The following BOD1L1 variants were observed in gnomAD, a reference collection of about 807,000 sequenced individuals.
BOD1L1 encodes biorientation of chromosomes in cell division protein 1-like 1.
BOD1L1 carries 86 observed loss-of-function variants against 240.7 expected under a neutral mutation model. That is an observed-to-expected ratio of 0.36 (90% CI 0.30 to 0.43). The LOEUF (loss-of-function observed/expected upper bound fraction) is 0.43. BOD1L1 is among the 20% of genes least tolerant of loss of function. The pLI is 1.00. For missense variants in BOD1L1, 3,554 were observed against 3,643.5 expected, an observed-to-expected ratio of 0.98 and a Z score of 0.63; for synonymous variants, 1,268 against 1,272.3, an observed-to-expected ratio of 1.00 and a Z score of 0.07.
Position 13,617,983 on chromosome 4 carries a change from C to T in BOD1L1, c.368+1960G>A, listed in dbSNP as rs145821507. Among the ~76,000 whole-genome samples, 360 of 152,296 alleles carry T rather than the reference C, an allele frequency of 2.4e-3. 2 individuals are homozygous for T. The highest frequency in any genetic ancestry group is 8.4e-3 in the African/African-American group (350 of 41,572). On this transcript the variant is annotated intron_variant, in intron 2 of 25. Transcript: ENST00000040738. ...CAAAATGTCTCCAGAAAAAGAGATT[C>T]CTCATTACTCATAGGCAAATTGCTC... is the stretch of plus-strand genomic sequence containing the variant.
In BOD1L1 at chr4:13,600,110, A is replaced by T. The variant is rs766066972; in HGVS notation, c.6790T>A (p.Cys2264Ser). ...GIISTSSVED[C>S]EGPVSSAVPQ... The stretch of plus-strand genomic sequence containing the variant: ...ACAGCACTGGACACTGGGCCCTCAC[A>T]GTCTTCCACCGAGCTCGTAGAGATG... The change falls in exon 10 of 26, where the codon TGT (cysteine) becomes AGT (serine). Residue 2264 changes from cysteine (C) to serine (S), a missense_variant. By Grantham distance (112) the Cys-to-Ser change is moderately radical. This residue lies in a region of BOD1L1 where 3,393 missense variants were observed against 3,427.1 expected (regional missense o/e 0.99). Transcript: ENST00000040738. 5 of 1,613,704 alleles carry T rather than the reference A, an allele frequency of 3.1e-6. No individual in the cohort carries two copies. The highest frequency in any genetic ancestry group is 4.2e-6 in the Non-Finnish European group (5 of 1,179,858).
intron 1 of BOD1L1, among the ~76,000 whole-genome samples, chr4:13,626,910 G>C (rs1717436994): frequency 6.6e-6 from 1 of 152,174 alleles, no homozygotes; most frequent in Non-Finnish European, 1.5e-5. Context: ...GTCCAGCAAA[G>C]CATATTACAC....
intron 25 of BOD1L1, among the ~76,000 whole-genome samples, chr4:13,575,895 CTTTTTTTTTTT>C (rs35101769): frequency 3.4e-5 from 4 of 119,256 alleles, no homozygotes; most frequent in African/African-American, 1.3e-4. Context: ...TTGCCAAACC[CTTTTTTTTTTT>C]TTTTTTTTTT....
Position 13,576,875 on chromosome 4 carries a change from C to T in BOD1L1, c.9001G>A (p.Ala3001Thr), listed in dbSNP as rs764281532. 1 of 1,614,030 alleles carries T rather than the reference C, an allele frequency of 6.2e-7. No homozygotes were observed. The highest frequency in any genetic ancestry group is 1.1e-5 in the South Asian group (1 of 91,088). Residue 3001 changes from alanine (A) to threonine (T), a missense_variant, in exon 25 of 26, where the codon GCC becomes ACC. Ala to Thr is a moderately conservative substitution (Grantham distance 58, BLOSUM62 0). This residue lies in a region of BOD1L1 where 3,393 missense variants were observed against 3,427.1 expected (regional missense o/e 0.99). Coordinates refer to ENST00000040738, the MANE Select transcript of BOD1L1 (RefSeq NM_148894.3). ...GATCTGGTGGTGGATCTTGTGGTGGCTCCTGAAGGCTCGTCCTCTTCCTCT... is the reference window on the plus strand; with the variant it reads ...GATCTGGTGGTGGATCTTGTGGTGGTTCCTGAAGGCTCGTCCTCTTCCTCT... ...EEEEEDEPSG[A>T]TTRSTTRSEA...
In BOD1L1 at chr4:13,604,733, A is replaced by C; in HGVS notation, c.2167T>G (p.Ser723Ala). 2 of 1,610,954 alleles carry C rather than the reference A, an allele frequency of 1.2e-6. No individual in the cohort carries two copies. Among genetic ancestry groups the C allele is most frequent in the Middle Eastern group, 1.7e-4 (1 of 6,042 alleles). ...LKSLLKKEVK[S>A]SKEKPEREKT... ...TCTCTTTCAGGCTTCTCCTTGGAGG[A>C]TTTCACCTCTTTCTTAAGTAGGCTT... Residue 723 changes from serine to alanine, a missense_variant, in exon 10 of 26, where the codon TCC (serine) becomes GCC (alanine). Ser to Ala is a moderately conservative substitution (Grantham distance 99). Coordinates refer to ENST00000040738, the MANE Select transcript of BOD1L1 (RefSeq NM_148894.3).
Position 13,576,817 on chromosome 4 carries a change from G to C in BOD1L1, c.9038+21C>G, listed in dbSNP as rs374532069. The C allele has an allele frequency of 1.9e-6, 3 of 1,600,432 alleles. No homozygotes were observed. In the African/African-American group the frequency reaches 4.1e-5, roughly 22 times the overall value. ...GAGAAGCTGGTGAAGGTCTCTGGCAGCTCTGTGCTGCCCCCATTACCTCTG... is the reference window on the plus strand; with the variant it reads ...GAGAAGCTGGTGAAGGTCTCTGGCACCTCTGTGCTGCCCCCATTACCTCTG... On this transcript the variant is annotated intron_variant, in intron 25 of 25. Coordinates refer to ENST00000040738, the MANE Select transcript of BOD1L1 (RefSeq NM_148894.3).
rs757583831 is a variant in BOD1L1 at position 13,600,392 on chromosome 4, G to A, written c.6508C>T (p.Pro2170Ser). 7 of 1,613,792 alleles carry A rather than the reference G, an allele frequency of 4.3e-6. No individual in the cohort carries two copies. The Admixed American group carries it at 1.2e-4, about 27-fold the overall frequency. The change falls in exon 10 of 26, where the codon CCG (proline) becomes TCG (serine). Residue 2170 changes from proline to serine, a missense_variant. Transcript: ENST00000040738. ...CTTTCTTCCACTGCTGCAGCAACCG[G>A]CTGAAGACTTTCAGCACACTTGATG... ...TTIKCAESLQ[P>S]VAAAVEERAT... is the part of the protein sequence containing the mutation.
At chr4:13,591,891 C>T in intron 13 of BOD1L1, 32 bp downstream of exon 13, 1 of 1,501,984 alleles carries the variant, frequency 6.7e-7, no homozygotes, top group Non-Finnish European at 8.9e-7. Flanking sequence ...AACCCAATAA[C>T]CACAAAAATC....
chr4:13,586,493 CA>C lies in BOD1L1; in HGVS notation c.8354-19del. ...ATTATCATCTGTAAATCAGTTTAGA[CA>C]GAATCACAAAGGAACAAAAGCTAAA... On this transcript the variant is annotated intron_variant, in intron 16 of 25. Coordinates refer to ENST00000040738, the MANE Select transcript of BOD1L1 (RefSeq NM_148894.3). 2 of 1,533,510 alleles carry C rather than the reference CA, an allele frequency of 1.3e-6. No individual in the cohort carries two copies. The highest frequency in any genetic ancestry group is 1.8e-6 in the Non-Finnish European group (2 of 1,114,828). 95.0% of individuals were successfully genotyped at this position (1,533,510 alleles called of 1,614,324 possible).
intron 2 of BOD1L1, among the ~76,000 whole-genome samples, chr4:13,617,466 C>A (rs982734822): frequency 2.6e-5 from 4 of 152,130 alleles, no homozygotes; most frequent in Non-Finnish European, 4.4e-5. Flanking sequence ...CTGCACTTAG[C>A]GGCCATAACT....
chr4:13,621,096 C>A (rs938685261), intron 1 of BOD1L1, among the ~76,000 whole-genome samples: 1 of 152,120 alleles, frequency 6.6e-6, no homozygotes, highest in Non-Finnish European at 1.5e-5. Context: ...GTCTGAGAAC[C>A]CTTGATGTGC....
chr4:13,587,812 G>C (rs1713828363), intron 15 of BOD1L1, 41 bp from the exon 16 acceptor site: 3 of 1,338,908 alleles, frequency 2.2e-6, no homozygotes, highest in Middle Eastern at 1.8e-4. Flanking sequence ...ATAGAATCTT[G>C]ATTCAAATAA....
At chr4:13,595,808 A>G in intron 12 of BOD1L1, 52 bp downstream of exon 12, 1 of 1,484,024 alleles carries the variant, frequency 6.7e-7, no homozygotes, top group Non-Finnish European at 9.4e-7. Flanking sequence ...AGGTAAAACC[A>G]CATGCAAGGC....
chr4:13,600,767 C>T lies in BOD1L1; in HGVS notation c.6133G>A (p.Gly2045Ser), dbSNP rs1715071640. 1.2e-6 allele frequency: 2 copies of T among 1,613,964 alleles called. No individual in the cohort carries two copies. The highest frequency in any genetic ancestry group is 2.2e-5 in the South Asian group (2 of 91,078). The change falls in exon 10 of 26, where the codon GGT becomes AGT. Residue 2045 changes from glycine (G) to serine (S), a missense_variant. By Grantham distance (56) the Gly-to-Ser change is moderately conservative. Coordinates refer to ENST00000040738, the MANE Select transcript of BOD1L1 (RefSeq NM_148894.3). ...CCACTGGCTGTAGTTGCCATGAGAC[C>T]ATCACACTCTTCATTTTCTACAGAG... ...ITSVENEECD[G>S]LMATTASGDI... is the part of the protein sequence containing the mutation.
rs748405934 is a variant in BOD1L1 at position 13,608,578 on chromosome 4, A to G, written c.1694T>C (p.Val565Ala). 2.2e-5 allele frequency: 34 copies of G among 1,544,894 alleles called. No homozygotes were observed. The South Asian group carries it at 4.2e-4, about 19-fold the overall frequency. The change falls in exon 8 of 26, where the codon GTT (valine) becomes GCT (alanine). Residue 565 changes from valine (V) to alanine (A), a missense_variant. Physicochemically the swap from Val to Ala is moderately conservative, Grantham distance 64. Transcript: ENST00000040738. ...RIKEVLKERKVLEKKVALSKK... is the reference protein window; with the variant it reads ...RIKEVLKERKALEKKVALSKK... ...GCTTAAGGCTACTTTTTTTTCTAAA[A>G]CTTTCCGTTCTTTAAGGACTTCTTT... is the stretch of plus-strand genomic sequence containing the variant.
Position 13,600,830 on chromosome 4 carries a change from T to C in BOD1L1, c.6070A>G (p.Thr2024Ala), listed in dbSNP as rs773368421. 1 of 1,613,856 alleles carries C rather than the reference T, an allele frequency of 6.2e-7. No homozygotes were observed. The highest frequency in any genetic ancestry group is 8.5e-7 in the Non-Finnish European group (1 of 1,179,810). ...TCATCTTCTTTTTCACTTGGTGATG[T>C]GTGAGCAACTTCACATTCTGGGACT... Reference protein sequence around the residue: ...GEVPECEVAHTSPSEKEDEDI... With the variant: ...GEVPECEVAHASPSEKEDEDI... The change falls in exon 10 of 26, where the codon ACA becomes GCA. Residue 2024 changes from threonine (T) to alanine (A), a missense_variant. This residue lies in a region of BOD1L1 where 3,393 missense variants were observed against 3,427.1 expected (regional missense o/e 0.99). Transcript: ENST00000040738.
chr4:13,608,207 A>G (rs1715865604), intron 8 of BOD1L1, among the ~76,000 whole-genome samples: 1 of 152,210 alleles, frequency 6.6e-6, no homozygotes, highest in Non-Finnish European at 1.5e-5. Flanking sequence ...GAATACCTCC[A>G]GGGAACTTCT....
intron 2 of BOD1L1, among the ~76,000 whole-genome samples, chr4:13,618,351 C>G (rs1716777155): frequency 6.6e-6 from 1 of 152,160 alleles, no homozygotes; most frequent in Non-Finnish European, 1.5e-5. Flanking sequence ...ATCAGTAGGG[C>G]TCTGTATAAA....
chr4:13,598,398 G>A (rs985872837), intron 10 of BOD1L1, among the ~76,000 whole-genome samples: 1 of 152,094 alleles, frequency 6.6e-6, no homozygotes, highest in African/African-American at 2.4e-5. Context: ...TTGGAATCGT[G>A]TTTGCCTTTG....
Sources: allele counts gnomAD v4.1 joint callset (sites outside exome capture counted in the v4.1 genomes callset), GRCh38; gene constraint gnomAD v4.1.1; regional missense constraint gnomAD v4.1.1; transcripts MANE v1.5; gene names NCBI Gene and HGNC (gene_info 2026-07-23, HGNC 2026-07-21).